Variants in NR5A2 observed in about 807,000 individuals in gnomAD.
NR5A2 encodes CYP7A promoter-binding factor.
Under a neutral mutation model 62.7 loss-of-function variants are expected in NR5A2, and 26 were observed. That is an observed-to-expected ratio of 0.41 (90% CI 0.30 to 0.58). The LOEUF is 0.58. Ranked by LOEUF, NR5A2 falls within the 20% of genes least tolerant of loss-of-function variation. The pLI is 0.22. For missense variants in NR5A2, 541 were observed against 669.1 expected (o/e 0.81, Z 2.11); for synonymous variants, 246 against 241.7 (o/e 1.02, Z -0.16).
At chr1:200,124,731 G>C (rs996553024) in intron 7 of NR5A2, among the ~76,000 whole-genome samples, 6 of 152,020 alleles carry the variant, frequency 3.9e-5, no homozygotes, top group African/African-American at 1.4e-4. Context: ...TGAGCCCCAC[G>C]GGTTTGAGAC....
At chr1:200,168,039 G>A (rs1653987904) in intron 7 of NR5A2, among the ~76,000 whole-genome samples, 1 of 152,012 alleles carries the variant, frequency 6.6e-6, no homozygotes, top group African/African-American at 2.4e-5. Flanking sequence ...TGTTAAGACT[G>A]AATGAATAAA....
At chr1:200,049,634 G>A (rs1662535787) in intron 5 of NR5A2, among the ~76,000 whole-genome samples, 1 of 152,222 alleles carries the variant, frequency 6.6e-6, no homozygotes, top group South Asian at 2.1e-4. Flanking sequence ...TTGGTAGTCA[G>A]TGGTTTCATT....
intron 5 of NR5A2, among the ~76,000 whole-genome samples, chr1:200,065,662 A>G (rs1663433428): frequency 6.6e-6 from 1 of 152,188 alleles, no homozygotes; most frequent in African/African-American, 2.4e-5. Flanking sequence ...TATTAATTCA[A>G]CATACATTAA....
intron 5 of NR5A2, chr1:200,057,499 GACAGGGTCTC>G (rs1340228916): frequency 2.2e-5 from 5 of 222,886 alleles, no homozygotes; most frequent in Non-Finnish European, 3.7e-5. Flanking sequence ...TTTTTTTTGA[GACAGGGTCTC>G]ACTCTGTCGC....
intron 7 of NR5A2, among the ~76,000 whole-genome samples, chr1:200,157,704 A>G (rs898645697): frequency 1.3e-5 from 2 of 152,180 alleles, no homozygotes; most frequent in African/African-American, 4.8e-5. Flanking sequence ...AAAAATGGAT[A>G]AGTATTTGGC....
chr1:200,167,798 GACCAC>G (rs1653974101), intron 7 of NR5A2, among the ~76,000 whole-genome samples: 1 of 152,098 alleles, frequency 6.6e-6, no homozygotes, highest in Non-Finnish European at 1.5e-5. Context: ...TTTGTATATA[GACCAC>G]TGTCTGCTAG....
chr1:200,157,036 T>C (rs1266239697), intron 7 of NR5A2, among the ~76,000 whole-genome samples: 1 of 152,208 alleles, frequency 6.6e-6, no homozygotes, highest in Non-Finnish European at 1.5e-5. Context: ...CCTTTCCTTA[T>C]AATAGCACTG....
intron 5 of NR5A2, among the ~76,000 whole-genome samples, chr1:200,067,891 C>A (rs1239120837): frequency 2.6e-5 from 4 of 152,186 alleles, no homozygotes; most frequent in Non-Finnish European, 5.9e-5. Flanking sequence ...TGCTTCCTCC[C>A]TTGAAGTTCC....
intron 2 of NR5A2, among the ~76,000 whole-genome samples, chr1:200,040,086 T>G (rs1032039656): frequency 7.2e-5 from 11 of 152,210 alleles, no homozygotes; most frequent in Non-Finnish European, 8.8e-5. Flanking sequence ...TAAAGGTACT[T>G]TAGAATAATA....
chr1:200,031,507 C>T (rs1661545363), intron 1 of NR5A2, among the ~76,000 whole-genome samples: 2 of 151,010 alleles, frequency 1.3e-5, no homozygotes, highest in South Asian at 4.2e-4. Context: ...AAAGTGAGAC[C>T]CTATCTCAAA....
intron 5 of NR5A2, among the ~76,000 whole-genome samples, chr1:200,064,079 G>T (rs1250974877): frequency 1.3e-5 from 2 of 151,918 alleles, no homozygotes; most frequent in Non-Finnish European, 2.9e-5. Flanking sequence ...AACCTGGGAG[G>T]TGGAGGTTAC....
chr1:200,170,169 A>G (rs777220677), intron 7 of NR5A2, among the ~76,000 whole-genome samples: 14 of 152,144 alleles, frequency 9.2e-5, no homozygotes, highest in Non-Finnish European at 1.9e-4. Flanking sequence ...GCTATAGATG[A>G]GTTCAGACTC....
At chr1:200,094,787 C>T (rs935502096) in intron 5 of NR5A2, among the ~76,000 whole-genome samples, 1 of 151,944 alleles carries the variant, frequency 6.6e-6, no homozygotes, top group Non-Finnish European at 1.5e-5. Flanking sequence ...CCGCCTCGGC[C>T]TCCCAAAGTG....
intron 5 of NR5A2, among the ~76,000 whole-genome samples, chr1:200,094,524 CTTTTTTTTTTTTTTTTTTTT>C (rs373809748): frequency 6.7e-5 from 4 of 59,804 alleles, no homozygotes; most frequent in African/African-American, 3.0e-4. Context: ...TTAAATGCCA[CTTTTTTTTTTTTTTTTTTTT>C]TTTTTTGAGA....
Position 200,048,138 on chromosome 1 carries a change from C to A in NR5A2, c.464-34C>A. On this transcript the variant is annotated intron_variant, in intron 4 of 7. Coordinates refer to ENST00000367362, the MANE Select transcript of NR5A2 (RefSeq NM_205860.3). The surrounding 1 kb of genome is among the most constrained non-coding windows in gnomAD (Gnocchi z 4.8). ...CTAATAATTTGCACCTTATTTATAC[C>A]TTTCCTTCCTTCCCCCCACCCCACC... 6.4e-7 allele frequency: 1 copy of A among 1,551,738 alleles called. No homozygotes were observed. The highest frequency in any genetic ancestry group is 8.7e-7 in the Non-Finnish European group (1 of 1,148,746).
intron 5 of NR5A2, among the ~76,000 whole-genome samples, chr1:200,063,198 T>G (rs111847802): frequency 0.036 from 5,117 of 141,728 alleles, 308 homozygotes; most frequent in African/African-American, 0.15. Context: ...TAATTTTTGT[T>G]TTTTTTTAGT....
intron 1 of NR5A2, among the ~76,000 whole-genome samples, chr1:200,031,556 C>G (rs1300666286): frequency 7.4e-6 from 1 of 135,742 alleles, no homozygotes; most frequent in Non-Finnish European, 1.6e-5. Context: ...AAAAGGATTT[C>G]TTTTTCTTTA....
chr1:200,114,483 G>A (rs1225492324), intron 6 of NR5A2, among the ~76,000 whole-genome samples: 1 of 152,024 alleles, frequency 6.6e-6, no homozygotes, highest in East Asian at 1.9e-4. Context: ...ATTTAGAATT[G>A]GAACAACCTG....
intron 6 of NR5A2, among the ~76,000 whole-genome samples, chr1:200,113,444 T>C (rs1666056005): frequency 6.6e-6 from 1 of 152,256 alleles, no homozygotes. Context: ...ACAAAACGTT[T>C]TGAATTTATC....
Sources: gnomAD v4.1 joint callset for allele counts (sites outside exome capture counted in the v4.1 genomes callset) on GRCh38, gnomAD v4.1.1 for gene constraint, Gnocchi (gnomAD v3.1) non-coding constraint, MANE v1.5 for transcripts, NCBI Gene and HGNC (gene_info 2026-07-23, HGNC 2026-07-21) for gene names.